Variants in GPC5 observed in about 807,000 individuals in gnomAD.
The protein encoded by GPC5 is glypican-5.
In GPC5, 47 loss-of-function variants were observed where a neutral mutation model predicts 53.9. The ratio of observed to expected loss-of-function variants is 0.87; its 90% confidence interval spans 0.69 to 1.11. The LOEUF is 1.11. Ranked by LOEUF, GPC5 falls within the 50% of genes most tolerant of loss-of-function variation. The probability of loss-of-function intolerance (pLI) is 0.00; values close to 1 mark genes in which losing one functional copy is unlikely to be tolerated. For synonymous variants in GPC5, 286 were observed against 263.3 expected (o/e 1.09, Z -0.84); for missense variants, 748 against 713.1 (o/e 1.05, Z -0.56).
chr13:92,599,078 CAAT>C (rs1207148583), intron 7 of GPC5, among the ~76,000 whole-genome samples: 4 of 152,012 alleles, frequency 2.6e-5, no homozygotes, highest in Non-Finnish European at 2.9e-5. Flanking sequence ...TTTTACAAAA[CAAT>C]AAATAACACA....
At chr13:92,000,563 T>G (rs1001523815) in intron 6 of GPC5, among the ~76,000 whole-genome samples, 2 of 152,196 alleles carry the variant, frequency 1.3e-5, no homozygotes, top group Admixed American at 6.5e-5. Context: ...AGGCCTTAAA[T>G]GACTTTAGAT....
chr13:91,511,787 A>G (rs1885243202), intron 2 of GPC5, among the ~76,000 whole-genome samples: 1 of 151,578 alleles, frequency 6.6e-6, no homozygotes, highest in South Asian at 2.1e-4. Context: ...TACTTAACAT[A>G]TTTGTCATAG....
intron 7 of GPC5, among the ~76,000 whole-genome samples, chr13:92,336,143 CTGCAAATG>C (rs2043321575): frequency 6.6e-6 from 1 of 152,158 alleles, no homozygotes; most frequent in African/African-American, 2.4e-5. Context: ...ACCAAAGCCA[CTGCAAATG>C]TGCTATTTTA....
At chr13:92,861,673 G>C (rs185457483) in intron 7 of GPC5, among the ~76,000 whole-genome samples, 5 of 152,088 alleles carry the variant, frequency 3.3e-5, no homozygotes, top group African/African-American at 9.6e-5. Context: ...CCTCAATTTT[G>C]TTGTGGTGTT....
chr13:92,403,631 T>A (rs1428574568), intron 7 of GPC5, among the ~76,000 whole-genome samples: 1 of 152,206 alleles, frequency 6.6e-6, no homozygotes, highest in Admixed American at 6.5e-5. Flanking sequence ...TTCTATGAAA[T>A]TGGTCCTTGG....
At chr13:91,647,353 G>A (rs553652434) in intron 2 of GPC5, among the ~76,000 whole-genome samples, 1 of 152,210 alleles carries the variant, frequency 6.6e-6, no homozygotes, top group South Asian at 2.1e-4. Flanking sequence ...GATGTTTCTT[G>A]TCGTTATTTA....
chr13:92,070,069 G>A (rs2041198624), intron 6 of GPC5, among the ~76,000 whole-genome samples: 1 of 152,148 alleles, frequency 6.6e-6, no homozygotes. Context: ...TCTGAGAGAT[G>A]GGGCAGGAGG....
intron 2 of GPC5, among the ~76,000 whole-genome samples, chr13:91,465,331 A>G (rs940438393): frequency 1.3e-5 from 2 of 152,024 alleles, no homozygotes; most frequent in African/African-American, 4.8e-5. Flanking sequence ...ATTAGAGAAT[A>G]TTTTCCTCAC....
intron 7 of GPC5, among the ~76,000 whole-genome samples, chr13:92,306,317 T>G (rs1363318206): frequency 6.6e-6 from 1 of 152,170 alleles, no homozygotes; most frequent in Admixed American, 6.5e-5. Flanking sequence ...GCCTCTGCAA[T>G]ATAATTTGCA....
intron 7 of GPC5, among the ~76,000 whole-genome samples, chr13:92,331,685 T>TC (rs2043289072): frequency 7.2e-6 from 1 of 139,096 alleles, no homozygotes; most frequent in Non-Finnish European, 1.5e-5. Flanking sequence ...ACATAGGGTT[T>TC]TTTTTTTTGT....
chr13:91,504,775 T>C (rs543065990), intron 2 of GPC5, among the ~76,000 whole-genome samples: 28 of 151,826 alleles, frequency 1.8e-4, no homozygotes, highest in Non-Finnish European at 4.1e-4. Flanking sequence ...CTGGACAACA[T>C]AGTGAGACCC....
At chr13:91,657,271 C>T (rs544940902) in intron 2 of GPC5, among the ~76,000 whole-genome samples, 2 of 151,898 alleles carry the variant, frequency 1.3e-5, no homozygotes, top group Non-Finnish European at 1.5e-5. Context: ...GTCATCTCTT[C>T]GAAATGGAGT....
chr13:91,472,676 T>G lies in GPC5; in HGVS notation c.325+23754T>G, dbSNP rs570721795. The stretch of plus-strand genomic sequence containing the variant: ...TTGTAAATATGTAAATATGTTTGTA[T>G]TATTAAATCAGCATCTGAAAATATT... On this transcript the variant is annotated intron_variant, in intron 2 of 7. Transcript: ENST00000377067. Among the ~76,000 whole-genome samples, 4 of 152,340 alleles carry G rather than the reference T, an allele frequency of 2.6e-5. No individual in the cohort carries two copies. In the East Asian group the frequency reaches 7.7e-4, roughly 29 times the overall value.
intron 7 of GPC5, among the ~76,000 whole-genome samples, chr13:92,799,119 T>G (rs1044291489): frequency 1.3e-5 from 2 of 151,764 alleles, no homozygotes; most frequent in African/African-American, 4.8e-5. Flanking sequence ...TCTTAGAGAT[T>G]GCTACCCCTC....
chr13:91,667,186 T>C lies in GPC5; in HGVS notation c.326-26001T>C, dbSNP rs1051736283. 2.6e-5 allele frequency among the ~76,000 whole-genome samples: 4 copies of C among 152,192 alleles called. No individual in the cohort carries two copies. The East Asian group carries it at 7.7e-4, about 29-fold the overall frequency. ...GATTGTGGTATTAAATTTCTTTTTG[T>C]TTAACCATCCTTACTCCTTCGAATA... is the stretch of plus-strand genomic sequence containing the variant. On this transcript the variant is annotated intron_variant, in intron 2 of 7. Coordinates refer to ENST00000377067, the MANE Select transcript of GPC5 (RefSeq NM_004466.6).
At chr13:91,871,344 G>T (rs1003768301) in intron 5 of GPC5, among the ~76,000 whole-genome samples, 8 of 152,084 alleles carry the variant, frequency 5.3e-5, no homozygotes, top group African/African-American at 1.4e-4. Flanking sequence ...AGACACCGGG[G>T]TCTACTTGAG....
rs148887888 is a variant in GPC5, at chr13:92,253,815, C to T, written c.1561+108826C>T. 6.0e-3 allele frequency among the ~76,000 whole-genome samples: 904 copies of T among 151,912 alleles called. 14 individuals carry two copies. Among genetic ancestry groups the T allele is most frequent in the African/African-American group, 0.02 (816 of 41,428 alleles). On this transcript the variant is annotated intron_variant, in intron 7 of 7. Transcript: ENST00000377067. ...AAGGAAAATATTTTGGGGAAATTAGCGAATTTAATTTAAGAGAGACCAAGA... is the reference window on the plus strand; with the variant it reads ...AAGGAAAATATTTTGGGGAAATTAGTGAATTTAATTTAAGAGAGACCAAGA...
chr13:92,653,836 C>T (rs773813416), intron 7 of GPC5, among the ~76,000 whole-genome samples: 1 of 152,220 alleles, frequency 6.6e-6, no homozygotes, highest in Non-Finnish European at 1.5e-5. Context: ...GATCTGCTGT[C>T]TTTGCCTTTT....
chr13:92,270,782 T>A (rs1053639575), intron 7 of GPC5, among the ~76,000 whole-genome samples: 2 of 152,214 alleles, frequency 1.3e-5, no homozygotes, highest in African/African-American at 4.8e-5. Flanking sequence ...TTTATTTAAA[T>A]CCTTTTCTGG....
Sources: allele counts gnomAD v4.1 joint callset (sites outside exome capture counted in the v4.1 genomes callset), GRCh38; gene constraint gnomAD v4.1.1; transcripts MANE v1.5; gene names NCBI Gene and HGNC (gene_info 2026-07-23, HGNC 2026-07-21).